NRG1: variants seen among roughly 807,000 people sequenced by gnomAD.
The protein encoded by NRG1 is pro-neuregulin-1, membrane-bound isoform.
A neutral mutation model predicts 63.8 loss-of-function variants in NRG1; 18 were observed. That is an observed-to-expected ratio of 0.28 (90% CI 0.19 to 0.42). NRG1 has a LOEUF of 0.42. Ranked by LOEUF, NRG1 falls within the 10% of genes least tolerant of loss-of-function variation. The pLI is 1.00. For missense variants in NRG1, 762 were observed against 814.7 expected, an observed-to-expected ratio of 0.94 and a Z score of 0.79; for synonymous variants, 302 against 301.3, an observed-to-expected ratio of 1.00 and a Z score of -0.02.
intron 1 of NRG1, among the ~76,000 whole-genome samples, chr8:32,409,812 G>A (rs189932226): frequency 1.2e-3 from 182 of 152,252 alleles, no homozygotes; most frequent in Middle Eastern, 6.8e-3. Flanking sequence ...CTCTTCACAG[G>A]AAAGCACTAA....
intron 5 of NRG1, among the ~76,000 whole-genome samples, chr8:32,632,887 C>G (rs1339838982): frequency 3.3e-5 from 5 of 152,184 alleles, no homozygotes; most frequent in Non-Finnish European, 2.9e-5. Flanking sequence ...TTTTGCAGAG[C>G]TGGGTTGTTA....
intron 3 of NRG1, among the ~76,000 whole-genome samples, chr8:32,606,355 C>T (rs572876026): frequency 1.4e-3 from 215 of 151,838 alleles, no homozygotes; most frequent in African/African-American, 2.9e-3. Context: ...AAATTAGGAC[C>T]GTCTTAGAGG....
At chr8:32,062,932 G>A (rs1192256241) in intron 1 of NRG1, among the ~76,000 whole-genome samples, 2 of 151,972 alleles carry the variant, frequency 1.3e-5, no homozygotes, top group African/African-American at 2.4e-5. Context: ...AAACTTTGAG[G>A]ACAATCTTTT....
At chr8:32,206,262 G>C (rs1844050539) in intron 1 of NRG1, among the ~76,000 whole-genome samples, 1 of 152,062 alleles carries the variant, frequency 6.6e-6, no homozygotes, top group Non-Finnish European at 1.5e-5. Flanking sequence ...AGAGCCACAG[G>C]GTATCCTACA....
chr8:31,994,182 G>A (rs1433546921), intron 1 of NRG1, among the ~76,000 whole-genome samples: 3 of 151,942 alleles, frequency 2.0e-5, no homozygotes, highest in Admixed American at 2.0e-4. Flanking sequence ...ATGTGGGTCT[G>A]CAAAGTATTC....
chr8:32,170,816 G>C (rs1178412856), intron 1 of NRG1, among the ~76,000 whole-genome samples: 2 of 152,266 alleles, frequency 1.3e-5, no homozygotes, highest in African/African-American at 2.4e-5. Flanking sequence ...TCGATATTTG[G>C]TTTTATAGGT....
intron 5 of NRG1, among the ~76,000 whole-genome samples, chr8:32,637,584 G>C (rs1344134435): frequency 6.6e-6 from 1 of 152,086 alleles, no homozygotes; most frequent in Non-Finnish European, 1.5e-5. Context: ...GTTTGTGTTT[G>C]AGCTACTGCA....
At chr8:32,349,159 AG>A (rs1474728752) in intron 1 of NRG1, among the ~76,000 whole-genome samples, 2 of 152,290 alleles carry the variant, frequency 1.3e-5, no homozygotes, top group East Asian at 3.9e-4. Flanking sequence ...AAGACACCTT[AG>A]TGCATGTTCC....
chr8:32,030,097 A>G (rs562381015), intron 1 of NRG1, among the ~76,000 whole-genome samples: 2 of 152,352 alleles, frequency 1.3e-5, no homozygotes, highest in South Asian at 2.1e-4. Context: ...ATTATAGTTT[A>G]TACTGTTTGA....
intron 1 of NRG1, among the ~76,000 whole-genome samples, chr8:32,374,250 A>G (rs1367573841): frequency 6.6e-6 from 1 of 152,196 alleles, no homozygotes; most frequent in Non-Finnish European, 1.5e-5. Flanking sequence ...CCAGGAGCCA[A>G]TAGAAAAACA....
intron 5 of NRG1, among the ~76,000 whole-genome samples, chr8:32,621,750 G>A (rs1162449970): frequency 6.6e-6 from 1 of 152,180 alleles, no homozygotes; most frequent in East Asian, 1.9e-4. Context: ...TGTTTTACAT[G>A]GATGATGACT....
chr8:32,350,387 A>G (rs1250267063), intron 1 of NRG1, among the ~76,000 whole-genome samples: 1 of 152,122 alleles, frequency 6.6e-6, no homozygotes, highest in Non-Finnish European at 1.5e-5. Context: ...CCTGTTGGGA[A>G]ACTTGGAAAA....
chr8:32,753,502 TAGG>T (rs1044267043), intron 7 of NRG1, among the ~76,000 whole-genome samples: 1 of 152,238 alleles, frequency 6.6e-6, no homozygotes, highest in African/African-American at 2.4e-5. Flanking sequence ...TTGGCCAACG[TAGG>T]AATGTGCACT....
chr8:32,746,956 A>G (rs1827559496), intron 7 of NRG1, among the ~76,000 whole-genome samples: 1 of 148,808 alleles, frequency 6.7e-6, no homozygotes, highest in Admixed American at 6.8e-5. Context: ...TGGGTCTAGT[A>G]TGACTGATGC....
intron 1 of NRG1, among the ~76,000 whole-genome samples, chr8:31,933,573 C>A (rs1190654214): frequency 2.0e-5 from 3 of 152,148 alleles, no homozygotes; most frequent in Non-Finnish European, 4.4e-5. Flanking sequence ...TGAGCCACTG[C>A]ACCCAGCCTA....
chr8:31,825,833 T>C (rs1824498023), intron 1 of NRG1, among the ~76,000 whole-genome samples: 1 of 152,232 alleles, frequency 6.6e-6, no homozygotes, highest in South Asian at 2.1e-4. Flanking sequence ...CAAATGCCTA[T>C]TGAGTGTCAG....
At chr8:32,712,868 T>C (rs777650096) in intron 5 of NRG1, among the ~76,000 whole-genome samples, 1 of 152,136 alleles carries the variant, frequency 6.6e-6, no homozygotes, top group Admixed American at 6.5e-5. Flanking sequence ...CCTCATACTA[T>C]GCCTAGTCAC....
At chr8:32,672,106 A>T (rs1725533726) in intron 5 of NRG1, among the ~76,000 whole-genome samples, 1 of 151,270 alleles carries the variant, frequency 6.6e-6, no homozygotes, top group African/African-American at 2.4e-5. Context: ...GTGCAGTGGC[A>T]CAATCTCGGC....
At chr8:31,739,009 A>C (rs1236709414) in intron 1 of NRG1, among the ~76,000 whole-genome samples, 1 of 152,020 alleles carries the variant, frequency 6.6e-6, no homozygotes, top group East Asian at 1.9e-4. Context: ...GCCCAATTCA[A>C]CCAATAACTA....
Sources: gnomAD v4.1 joint callset for allele counts (sites outside exome capture counted in the v4.1 genomes callset) on GRCh38, gnomAD v4.1.1 for gene constraint, MANE v1.5 for transcripts, NCBI Gene and HGNC (gene_info 2026-07-23, HGNC 2026-07-21) for gene names.